The following RAB38 variants were observed in gnomAD, a reference collection of about 807,000 sequenced individuals.
RAB38 encodes the protein ras-related protein Rab-38.
RAB38 carries 15 observed loss-of-function variants against 18.4 expected under a neutral mutation model. The observed-to-expected ratio is 0.82, with a 90% confidence interval of 0.55 to 1.26. The LOEUF (loss-of-function observed/expected upper bound fraction) is 1.26. Ranked by LOEUF, RAB38 falls within the 50% of genes most tolerant of loss-of-function variation. The pLI is 0.00. For synonymous variants in RAB38, 101 were observed against 104.4 expected (o/e 0.97, Z 0.20); for missense variants, 294 against 267.4 (o/e 1.10, Z -0.69).
the RAB38 span, among the ~76,000 whole-genome samples, chr11:87,828,407 TCTA>T: frequency 6.6e-6 from 1 of 152,300 alleles, no homozygotes; most frequent in East Asian, 1.9e-4. Flanking sequence ...AAATCCCCAT[TCTA>T]CTACATTTGG....
At chr11:87,841,511 T>C in the RAB38 span, among the ~76,000 whole-genome samples, 1 of 152,234 alleles carries the variant, frequency 6.6e-6, no homozygotes, top group Non-Finnish European at 1.5e-5. Context: ...TTCAGATTTT[T>C]GTCTCAATTT....
the RAB38 span, among the ~76,000 whole-genome samples, chr11:87,824,502 C>T: frequency 1.3e-5 from 2 of 151,868 alleles, no homozygotes; most frequent in South Asian, 4.2e-4. Context: ...GTTAGAAGAA[C>T]AAGAAAGCTT....
At chr11:88,174,007 G>C (rs1172326805) in intron 1 of RAB38, 1 of 985,374 alleles carries the variant, frequency 1.0e-6, no homozygotes, top group Non-Finnish European at 1.2e-6. Context: ...AACAGAAGTG[G>C]CTAGTTTGGG....
At chr11:87,951,176 A>G in the RAB38 span, among the ~76,000 whole-genome samples, 2 of 152,132 alleles carry the variant, frequency 1.3e-5, no homozygotes, top group Non-Finnish European at 2.9e-5. Context: ...AGTTGATCGC[A>G]TCGGCTCCTG....
At chr11:87,893,371 C>CATATATATATATATATATGTGTAT in the RAB38 span, among the ~76,000 whole-genome samples, 4 of 86,446 alleles carry the variant, frequency 4.6e-5, no homozygotes, top group Non-Finnish European at 8.7e-5. Context: ...ATATATTTTA[C>CATATATATATATATATATGTGTAT]ATATATATAT....
At chr11:87,911,037 T>A in the RAB38 span, among the ~76,000 whole-genome samples, 1 of 152,048 alleles carries the variant, frequency 6.6e-6, no homozygotes, top group African/African-American at 2.4e-5. Flanking sequence ...AAGACTATCT[T>A]TTCTCATCTG....
At chr11:87,890,621 C>G in the RAB38 span, among the ~76,000 whole-genome samples, 1 of 151,732 alleles carries the variant, frequency 6.6e-6, no homozygotes, top group Admixed American at 6.6e-5. Context: ...AATTTCATCT[C>G]TCCCATAACT....
At chr11:87,805,060 C>G in the RAB38 span, among the ~76,000 whole-genome samples, 1 of 152,142 alleles carries the variant, frequency 6.6e-6, no homozygotes, top group Non-Finnish European at 1.5e-5. Context: ...AACATTTTGA[C>G]TCTGTGTTCT....
At chr11:87,916,156 C>T in the RAB38 span, among the ~76,000 whole-genome samples, 19 of 152,090 alleles carry the variant, frequency 1.2e-4, no homozygotes, top group African/African-American at 2.6e-4. Context: ...CAAATTAGGA[C>T]TTTGGGAGAC....
chr11:88,005,399 A>C, the RAB38 span, among the ~76,000 whole-genome samples: 2 of 131,378 alleles, frequency 1.5e-5, no homozygotes, highest in African/African-American at 5.8e-5. Flanking sequence ...AAAAACCATT[A>C]AAAAAAATAT....
At chr11:88,097,530 T>G in the RAB38 span, among the ~76,000 whole-genome samples, 1 of 151,848 alleles carries the variant, frequency 6.6e-6, no homozygotes, top group East Asian at 1.9e-4. Flanking sequence ...AAGGATGCTT[T>G]GACCCCCTCA....
the RAB38 span, among the ~76,000 whole-genome samples, chr11:87,804,606 C>T: frequency 6.6e-6 from 1 of 151,934 alleles, no homozygotes; most frequent in African/African-American, 2.4e-5. Context: ...CATAACCTCA[C>T]CAGACAGTTA....
At chr11:87,823,847 AT>A in the RAB38 span, among the ~76,000 whole-genome samples, 1 of 152,204 alleles carries the variant, frequency 6.6e-6, no homozygotes, top group East Asian at 1.9e-4. Flanking sequence ...TAAGAAGAAT[AT>A]ACAGAGTGAA....
chr11:88,147,326 G>C (rs920653144), intron 2 of RAB38, among the ~76,000 whole-genome samples: 1 of 152,076 alleles, frequency 6.6e-6, no homozygotes. Flanking sequence ...AATAACAGAA[G>C]ACTCCTCTCC....
the RAB38 span, among the ~76,000 whole-genome samples, chr11:87,930,930 G>C: frequency 1.3e-5 from 2 of 152,112 alleles, no homozygotes; most frequent in Non-Finnish European, 2.9e-5. Flanking sequence ...CTATATCTCT[G>C]TTTTGGTACC....
the RAB38 span, among the ~76,000 whole-genome samples, chr11:87,977,720 A>G: frequency 1.1e-5 from 1 of 92,486 alleles, no homozygotes; most frequent in Non-Finnish European, 1.9e-5. Flanking sequence ...ATATTTATAT[A>G]TTATATGACA....
At chr11:87,855,086 C>T in the RAB38 span, among the ~76,000 whole-genome samples, 90 of 152,216 alleles carry the variant, frequency 5.9e-4, no homozygotes, top group African/African-American at 1.8e-3. Flanking sequence ...TGAGCCACCG[C>T]GCCTGGCCTA....
chr11:87,873,362 T>C, the RAB38 span, among the ~76,000 whole-genome samples: 1 of 151,660 alleles, frequency 6.6e-6, no homozygotes, highest in African/African-American at 2.4e-5. Context: ...TCATCAAATA[T>C]GTCTTTTGCA....
chr11:87,910,633 CTTTTTTTTT>C, the RAB38 span, among the ~76,000 whole-genome samples: 5 of 131,102 alleles, frequency 3.8e-5, no homozygotes, highest in African/African-American at 1.7e-4. Context: ...AGTTCATTTT[CTTTTTTTTT>C]TTTTTTTTTT....
Sources: gnomAD v4.1 joint callset for allele counts (sites outside exome capture counted in the v4.1 genomes callset) on GRCh38, gnomAD v4.1.1 for gene constraint, MANE v1.5 for transcripts, NCBI Gene and HGNC (gene_info 2026-07-23, HGNC 2026-07-21) for gene names.